MCU: variants seen among roughly 807,000 people sequenced by gnomAD.
The protein encoded by MCU is calcium uniporter protein, mitochondrial.
In MCU, 12 loss-of-function variants were observed where a neutral mutation model predicts 45.2. That is an observed-to-expected ratio of 0.27 (90% confidence interval 0.17 to 0.43). MCU has a LOEUF of 0.43. Among genes scored for constraint, MCU ranks in the 20% least tolerant of loss-of-function variants. The pLI, the probability that MCU is intolerant of heterozygous loss-of-function variation, is 1.00. For missense variants in MCU, 324 were observed against 436.7 expected, an observed-to-expected ratio of 0.74 and a Z score of 2.30; for synonymous variants, 160 against 165.1, an observed-to-expected ratio of 0.97 and a Z score of 0.24.
rs1300015192 is a variant in MCU at position 72,874,409 on chromosome 10, G to A, written c.861+2829G>A. 2.0e-5 allele frequency among the ~76,000 whole-genome samples: 3 copies of A among 152,200 alleles called. No individual in the cohort carries two copies. The East Asian group carries it at 5.8e-4, about 29-fold the overall frequency. On this transcript the variant is annotated intron_variant, in intron 6 of 7. Coordinates refer to ENST00000373053, the MANE Select transcript of MCU (RefSeq NM_138357.3). ...AAATATTTGAAATACCTGAGACATC[G>A]GAAAAGCTTTTTCTGTTTTCTTAGT...
At chr10:72,717,243 A>C (rs1842965950) in intron 1 of MCU, among the ~76,000 whole-genome samples, 1 of 151,492 alleles carries the variant, frequency 6.6e-6, no homozygotes, top group Non-Finnish European at 1.5e-5. Flanking sequence ...TATTGTTTGA[A>C]GATAACTAGG....
At chr10:72,723,043 A>C (rs1216764453) in intron 1 of MCU, among the ~76,000 whole-genome samples, 1 of 152,016 alleles carries the variant, frequency 6.6e-6, no homozygotes, top group Non-Finnish European at 1.5e-5. Context: ...AAAGATACAA[A>C]AAATTAGCTG....
chr10:72,790,012 T>C (rs1200377641), intron 1 of MCU, among the ~76,000 whole-genome samples: 3 of 152,230 alleles, frequency 2.0e-5, no homozygotes, highest in Non-Finnish European at 4.4e-5. Context: ...TTTCTAGTTA[T>C]ACACTTCTGA....
intron 1 of MCU, among the ~76,000 whole-genome samples, chr10:72,791,663 T>C (rs1844162696): frequency 6.6e-6 from 1 of 152,168 alleles, no homozygotes; most frequent in African/African-American, 2.4e-5. Flanking sequence ...CCCATAGTTA[T>C]TGAAATGCAC....
At chr10:72,873,004 G>A (rs201895435) in intron 6 of MCU, among the ~76,000 whole-genome samples, 15 of 94,352 alleles carry the variant, frequency 1.6e-4, no homozygotes, top group Admixed American at 4.1e-4. Flanking sequence ...TTGTTTTTTT[G>A]TTTTTTGGGT....
intron 1 of MCU, chr10:72,766,481 T>C (rs1230895901): frequency 6.6e-6 from 1 of 152,210 alleles, no homozygotes; most frequent in African/African-American, 2.4e-5. Flanking sequence ...ACATAGATCA[T>C]TGAAGTCATG....
intron 1 of MCU, among the ~76,000 whole-genome samples, chr10:72,795,974 C>T (rs756028434): frequency 2.0e-5 from 3 of 151,560 alleles, no homozygotes; most frequent in Non-Finnish European, 4.4e-5. Context: ...CTCCAGCCTG[C>T]GCGACAGAGC....
chr10:72,851,932 G>A (rs1845212985), intron 2 of MCU, among the ~76,000 whole-genome samples: 1 of 152,154 alleles, frequency 6.6e-6, no homozygotes, highest in Non-Finnish European at 1.5e-5. Flanking sequence ...AGGAAATATG[G>A]GGTTGGTTAG....
intron 1 of MCU, among the ~76,000 whole-genome samples, chr10:72,811,074 G>A (rs73286775): frequency 0.01 from 1,595 of 152,248 alleles, 31 homozygotes; most frequent in African/African-American, 0.036. Flanking sequence ...GCTATTCAGT[G>A]TATACTTTAT....
At chr10:72,874,003 C>T (rs1002464635) in intron 6 of MCU, among the ~76,000 whole-genome samples, 2 of 152,122 alleles carry the variant, frequency 1.3e-5, no homozygotes, top group African/African-American at 4.8e-5. Flanking sequence ...CTTACTGTAG[C>T]TTTGTAGTAA....
rs184134878 is a variant in MCU at position 72,865,967 on chromosome 10, C to T, written c.497-2736C>T. Among the ~76,000 whole-genome samples the T allele has an allele frequency of 1.7e-3, 250 of 151,334 alleles. 2 individuals are homozygous for T. The highest frequency in any genetic ancestry group is 6.1e-3 in the Admixed American group (93 of 15,226). On this transcript the variant is annotated intron_variant, in intron 4 of 7. Coordinates refer to ENST00000373053, the MANE Select transcript of MCU (RefSeq NM_138357.3). ...AATTTTTTTGTATTTTTAGTAGAGA[C>T]GGGGTTTCACCATGTTAGCCAGAAT...
intron 1 of MCU, among the ~76,000 whole-genome samples, chr10:72,727,070 A>C (rs1191541899): frequency 1.3e-5 from 2 of 152,230 alleles, no homozygotes. Flanking sequence ...CCGTTTTGGC[A>C]ATAGATTTTT....
intron 1 of MCU, among the ~76,000 whole-genome samples, chr10:72,729,616 A>G (rs1299792162): frequency 6.6e-6 from 1 of 152,212 alleles, no homozygotes; most frequent in African/African-American, 2.4e-5. Context: ...ACTCTTTCTC[A>G]TTTGTGAAAC....
chr10:72,821,714 T>C (rs1235088700), intron 1 of MCU, among the ~76,000 whole-genome samples: 1 of 152,176 alleles, frequency 6.6e-6, no homozygotes, highest in Non-Finnish European at 1.5e-5. Flanking sequence ...TTAAGCCCTT[T>C]GTCATACACA....
At chr10:72,758,422 A>T (rs75576240) in intron 1 of MCU, among the ~76,000 whole-genome samples, 2,030 of 152,324 alleles carry the variant, frequency 0.013, 19 homozygotes, top group Non-Finnish European at 0.024. Context: ...GTGCTATATC[A>T]TGTCCACAGA....
chr10:72,791,840 C>CAA (rs35024051), intron 1 of MCU, among the ~76,000 whole-genome samples: 2 of 142,210 alleles, frequency 1.4e-5, no homozygotes, highest in African/African-American at 2.6e-5. Context: ...TTCTAAATGC[C>CAA]AAAAAAAAAA....
chr10:72,769,771 A>C (rs1843778203), intron 1 of MCU, among the ~76,000 whole-genome samples: 1 of 152,082 alleles, frequency 6.6e-6, no homozygotes, highest in Non-Finnish European at 1.5e-5. Flanking sequence ...GTCATTTCTC[A>C]TTTCCCCACA....
chr10:72,815,329 A>G (rs1006672628), intron 1 of MCU, among the ~76,000 whole-genome samples: 6 of 152,204 alleles, frequency 3.9e-5, no homozygotes, highest in African/African-American at 1.4e-4. Flanking sequence ...TAACAAATGG[A>G]ACTGAAGTAA....
intron 1 of MCU, among the ~76,000 whole-genome samples, chr10:72,822,281 T>A (rs779048677): frequency 6.6e-5 from 10 of 151,830 alleles, no homozygotes; most frequent in Non-Finnish European, 1.2e-4. Flanking sequence ...AATAAATGAA[T>A]AAGGAAATAA....
Sources: gnomAD v4.1 joint callset for allele counts (sites outside exome capture counted in the v4.1 genomes callset) on GRCh38, gnomAD v4.1.1 for gene constraint, MANE v1.5 for transcripts, NCBI Gene and HGNC (gene_info 2026-07-23, HGNC 2026-07-21) for gene names.